Variants in PATJ observed in about 807,000 individuals in gnomAD.
The protein encoded by PATJ is inaD-like protein.
Under a neutral mutation model 224.9 loss-of-function variants are expected in PATJ, and 190 were observed. That is an observed-to-expected ratio of 0.84 (90% CI 0.75 to 0.95). The LOEUF (loss-of-function observed/expected upper bound fraction) is 0.95. PATJ is among the 40% of genes least tolerant of loss of function. PATJ has a pLI of 0.00. For synonymous variants in PATJ, 769 were observed against 820.3 expected (o/e 0.94, Z 1.07); for missense variants, 2,121 against 2,270.3 (o/e 0.93, Z 1.34).
chr1:62,069,073 A>G (rs1391500869), intron 31 of PATJ, among the ~76,000 whole-genome samples: 1 of 152,214 alleles, frequency 6.6e-6, no homozygotes, highest in Admixed American at 6.5e-5. Flanking sequence ...GGCTACTGCC[A>G]TGATTTTTTT....
At chr1:61,764,589 A>G (rs1646155891) in intron 3 of PATJ, among the ~76,000 whole-genome samples, 1 of 152,208 alleles carries the variant, frequency 6.6e-6, no homozygotes, top group Non-Finnish European at 1.5e-5. Flanking sequence ...GCAGAATTTA[A>G]AACATAATTG....
At chr1:62,053,706 C>G (rs1215403085) in intron 31 of PATJ, among the ~76,000 whole-genome samples, 1 of 142,398 alleles carries the variant, frequency 7.0e-6, no homozygotes, top group African/African-American at 2.5e-5. Flanking sequence ...GCAAGAAGAG[C>G]GAAATTCCGT....
chr1:61,971,582 TAGCCTG>T (rs965822645), intron 27 of PATJ, among the ~76,000 whole-genome samples: 2 of 152,012 alleles, frequency 1.3e-5, no homozygotes, highest in Non-Finnish European at 2.9e-5. Context: ...CACTGCACTC[TAGCCTG>T]AGTGACAGAG....
At chr1:61,951,381 T>C (rs1679653081) in intron 27 of PATJ, among the ~76,000 whole-genome samples, 1 of 152,196 alleles carries the variant, frequency 6.6e-6, no homozygotes, top group Admixed American at 6.5e-5. Context: ...TATTTGAGTT[T>C]TCTTTGGGTA....
At chr1:62,111,657 C>T (rs1663826217) in intron 34 of PATJ, among the ~76,000 whole-genome samples, 1 of 139,352 alleles carries the variant, frequency 7.2e-6, no homozygotes, top group African/African-American at 2.6e-5. Flanking sequence ...ATCCAAAACC[C>T]ATGTTCTTTT....
rs533918705 is a variant in PATJ at position 62,123,773 on chromosome 1, G to A, written c.5043+715G>A. On this transcript the variant is annotated intron_variant, in intron 39 of 43. Transcript: ENST00000642238. ...ATTACAGGCGTGAGGCACCGTGCCC[G>A]GCCAAATGTGCTATAAGTTTCTTAA... Among the ~76,000 whole-genome samples, 28 of 122,628 alleles carry A rather than the reference G, an allele frequency of 2.3e-4. 1 individual carries two copies. Among genetic ancestry groups the A allele is most frequent in the African/African-American group, 9.6e-4 (28 of 29,132 alleles). 80.4% of individuals were successfully genotyped at this position (122,628 alleles called of 152,430 possible).
chr1:61,753,816 TTTTA>T (rs1309639659), intron 1 of PATJ, among the ~76,000 whole-genome samples: 1 of 151,370 alleles, frequency 6.6e-6, no homozygotes, highest in Non-Finnish European at 1.5e-5. Context: ...AGCCTATATA[TTTTA>T]TTTATTAAGT....
chr1:62,011,489 A>G (rs1646446971), intron 28 of PATJ, among the ~76,000 whole-genome samples: 1 of 152,224 alleles, frequency 6.6e-6, no homozygotes, highest in South Asian at 2.1e-4. Context: ...TAACTGATTA[A>G]TTAAGTTTGC....
At chr1:61,919,318 CTTTTT>C (rs71050182) in intron 26 of PATJ, among the ~76,000 whole-genome samples, 1 of 146,672 alleles carries the variant, frequency 6.8e-6, no homozygotes, top group Admixed American at 6.8e-5. Flanking sequence ...CTTTCTTTTT[CTTTTT>C]TTTTTGGAGA....
At chr1:61,776,097 A>G (rs765391132) in intron 7 of PATJ, among the ~76,000 whole-genome samples, 11 of 152,246 alleles carry the variant, frequency 7.2e-5, no homozygotes, top group Non-Finnish European at 1.3e-4. Context: ...ATGCAGCTTC[A>G]AGGCAAGTTC....
chr1:62,161,255 T>A lies in PATJ; in HGVS notation c.*201T>A, dbSNP rs1226224039. Reference sequence around the variant, plus strand: ...ATCTCCTAATGTTTCCCAGTTCCTGTCACCTGTTGGCGAGGTTGATTTCTA... The same window carrying A: ...ATCTCCTAATGTTTCCCAGTTCCTGACACCTGTTGGCGAGGTTGATTTCTA... On this transcript the variant is annotated 3_prime_UTR_variant, in exon 44 of 44. Coordinates refer to ENST00000642238, the MANE Select transcript of PATJ (RefSeq NM_001350145.3). 2.5e-6 allele frequency: 1 copy of A among 406,656 alleles called. No individual in the cohort carries two copies. The highest frequency in any genetic ancestry group is 2.0e-5 in the African/African-American group (1 of 48,800). The allele number at this position is 406,656 out of a possible 1,614,324, so 25.2% of individuals were successfully genotyped here. A position where few individuals can be genotyped will look rare whatever the true frequency, so the allele number is the denominator to read the frequency against.
chr1:62,075,010 A>G (rs1034043463), intron 31 of PATJ, among the ~76,000 whole-genome samples: 2 of 152,182 alleles, frequency 1.3e-5, no homozygotes, highest in African/African-American at 4.8e-5. Context: ...ACCTACCTCA[A>G]GCACATATCA....
intron 21 of PATJ, among the ~76,000 whole-genome samples, chr1:61,879,444 A>G (rs1667786093): frequency 6.6e-6 from 1 of 152,184 alleles, no homozygotes. Flanking sequence ...AAATATTTAA[A>G]AAGAAGAAAA....
intron 17 of PATJ, among the ~76,000 whole-genome samples, chr1:61,842,553 G>A (rs370018466): frequency 6.6e-6 from 1 of 152,216 alleles, no homozygotes; most frequent in African/African-American, 2.4e-5. Flanking sequence ...ATTACCTTTA[G>A]TGAGTGTTTC....
At chr1:61,749,999 G>T (rs1323987424) in intron 1 of PATJ, among the ~76,000 whole-genome samples, 1 of 152,124 alleles carries the variant, frequency 6.6e-6, no homozygotes, top group African/African-American at 2.4e-5. Flanking sequence ...AAAATAGCAA[G>T]TTGCTGAAGA....
intron 31 of PATJ, among the ~76,000 whole-genome samples, chr1:62,060,636 G>A (rs750982223): frequency 2.0e-4 from 31 of 152,096 alleles, no homozygotes; most frequent in South Asian, 4.1e-4. Context: ...GTAGGTGGGA[G>A]GGAGTGAGGA....
At chr1:61,981,437 T>C (rs1225221849) in intron 27 of PATJ, among the ~76,000 whole-genome samples, 1 of 151,966 alleles carries the variant, frequency 6.6e-6, no homozygotes, top group Admixed American at 6.6e-5. Context: ...TCCTCACCCA[T>C]TGCAAGGTTC....
intron 33 of PATJ, among the ~76,000 whole-genome samples, chr1:62,106,156 G>GTATATATATATATATATATATATATATA (rs1372747156): frequency 3.1e-4 from 17 of 54,876 alleles, no homozygotes; most frequent in Non-Finnish European, 5.0e-4. Context: ...GTGTGTGTGT[G>GTATATATATATATATATATATATATATA]TGTATATATA....
intron 31 of PATJ, among the ~76,000 whole-genome samples, chr1:62,071,089 A>G (rs1295301264): frequency 3.3e-5 from 5 of 152,046 alleles, no homozygotes; most frequent in Admixed American, 2.6e-4. Context: ...CAAACAAACA[A>G]AAACCAGTTA....
Sources: allele counts gnomAD v4.1 joint callset (sites outside exome capture counted in the v4.1 genomes callset), GRCh38; gene constraint gnomAD v4.1.1; transcripts MANE v1.5; gene names NCBI Gene and HGNC (gene_info 2026-07-23, HGNC 2026-07-21).